Variants in KIF13B observed in about 807,000 individuals in gnomAD.
The protein encoded by KIF13B is kinesin-like protein KIF13B.
Under a neutral mutation model 222.0 loss-of-function variants are expected in KIF13B, and 127 were observed. That is an observed-to-expected ratio of 0.57 (90% CI 0.50 to 0.66). KIF13B has a LOEUF of 0.66. KIF13B is among the 30% of genes least tolerant of loss of function. The pLI, the probability that KIF13B is intolerant of heterozygous loss-of-function variation, is 0.00. For synonymous variants in KIF13B, 976 were observed against 919.0 expected (o/e 1.06, Z -1.12); for missense variants, 2,173 against 2,379.0 (o/e 0.91, Z 1.80).
intron 16 of KIF13B, among the ~76,000 whole-genome samples, 177 bp downstream of exon 16, chr8:29,148,400 G>GTAT (rs1563741199): frequency 2.7e-5 from 4 of 146,044 alleles, no homozygotes; most frequent in Non-Finnish European, 6.1e-5. Context: ...ACACTCTACC[G>GTAT]TTTTTTTTTT....
At chr8:29,145,956 T>G in intron 18 of KIF13B, 1 of 257,302 alleles carries the variant, frequency 3.9e-6, no homozygotes, top group Non-Finnish European at 7.4e-6. Context: ...ACACAACTAA[T>G]GAGCAGTTTT....
intron 32 of KIF13B, among the ~76,000 whole-genome samples, chr8:29,112,159 G>A (rs1361109369): frequency 6.6e-6 from 1 of 152,134 alleles, no homozygotes; most frequent in Non-Finnish European, 1.5e-5. Context: ...TTTTCCAAAA[G>A]CTGATCTCCG....
In KIF13B at chr8:29,167,584, T is replaced by TC; in HGVS notation, c.946dup (p.Asp316GlyfsTer6). 1 of 1,613,306 alleles carries TC rather than the reference T, an allele frequency of 6.2e-7. No homozygotes were observed. The highest frequency in any genetic ancestry group is 8.5e-7 in the Non-Finnish European group (1 of 1,179,318). On this transcript the variant is annotated frameshift_variant and splice_region_variant, in exon 11 of 40. Transcript: ENST00000524189. LOFTEE classifies it high-confidence loss of function. ...GGTCTTGCTGTTACCCCCGAGGCTGTCCTACAGGAGAAAACAGAAAGTTGA... is the reference window on the plus strand; with the variant it reads ...GGTCTTGCTGTTACCCCCGAGGCTGTCCCTACAGGAGAAAACAGAAAGTTGA...
chr8:29,226,039 G>A (rs1022699365), intron 2 of KIF13B, among the ~76,000 whole-genome samples: 1 of 152,140 alleles, frequency 6.6e-6, no homozygotes, highest in African/African-American at 2.4e-5. Flanking sequence ...TCAGATGACT[G>A]GAGTTAAATG....
chr8:29,109,135 G>T (rs1316195368), intron 34 of KIF13B, among the ~76,000 whole-genome samples: 1 of 152,202 alleles, frequency 6.6e-6, no homozygotes, highest in Non-Finnish European at 1.5e-5. Context: ...TAGGCCCGTG[G>T]CTAGTTTGGG....
intron 2 of KIF13B, among the ~76,000 whole-genome samples, chr8:29,211,634 G>A (rs1312293115): frequency 1.3e-5 from 2 of 152,202 alleles, no homozygotes; most frequent in Non-Finnish European, 1.5e-5. Context: ...GAGACTCCAA[G>A]CAGCCAGAAA....
At chr8:29,243,121 C>T (rs955159780) in intron 2 of KIF13B, among the ~76,000 whole-genome samples, 8 of 151,938 alleles carry the variant, frequency 5.3e-5, no homozygotes, top group African/African-American at 1.5e-4. Context: ...CAAAGGCAGG[C>T]GGATCACTTG....
intron 1 of KIF13B, among the ~76,000 whole-genome samples, chr8:29,251,111 T>G (rs971753450): frequency 6.6e-6 from 1 of 151,310 alleles, no homozygotes; most frequent in African/African-American, 2.4e-5. Context: ...AGATCACACC[T>G]CTGCACTCCA....
chr8:29,086,287 T>C (rs774373263), intron 37 of KIF13B, among the ~76,000 whole-genome samples: 3 of 152,208 alleles, frequency 2.0e-5, no homozygotes, highest in Non-Finnish European at 4.4e-5. Flanking sequence ...AGAGAAGTTT[T>C]AAGTCTCCAA....
intron 2 of KIF13B, among the ~76,000 whole-genome samples, chr8:29,240,031 A>G (rs1815695848): frequency 1.3e-5 from 2 of 150,996 alleles, no homozygotes; most frequent in African/African-American, 4.9e-5. Flanking sequence ...AAGAAACACA[A>G]AAGAGGAAAA....
intron 2 of KIF13B, among the ~76,000 whole-genome samples, chr8:29,199,394 CACATACTTCAGGTTGTGAAGTGA>C (rs1230272430): frequency 3.3e-5 from 5 of 151,996 alleles, no homozygotes; most frequent in Admixed American, 2.0e-4. Context: ...ACCCGTCTAG[CACATACTTCAGGTTGTGAAGTGA>C]ACATACTTCA....
chr8:29,094,702 A>G, intron 36 of KIF13B, among the ~76,000 whole-genome samples: 1 of 152,250 alleles, frequency 6.6e-6, no homozygotes, highest in East Asian at 1.9e-4. Context: ...AAAATAGACC[A>G]TGAGATGTCT....
intron 10 of KIF13B, among the ~76,000 whole-genome samples, chr8:29,173,981 T>TA (rs945010254): frequency 1.3e-5 from 2 of 151,630 alleles, no homozygotes; most frequent in Admixed American, 6.6e-5. Context: ...TGAAACGATT[T>TA]AAAAAAAAAT....
intron 32 of KIF13B, 143 bp downstream of exon 32, chr8:29,113,320 T>C (rs1809442955): frequency 1.9e-6 from 1 of 536,580 alleles, no homozygotes; most frequent in African/African-American, 1.9e-5. Flanking sequence ...TATGAATTGA[T>C]ATTAGAAAAT....
intron 21 of KIF13B, among the ~76,000 whole-genome samples, chr8:29,136,864 A>T (rs978344071): frequency 7.6e-6 from 1 of 132,190 alleles, no homozygotes; most frequent in African/African-American, 3.0e-5. Context: ...CAGTGGTTCG[A>T]TCTTGGCTCA....
intron 13 of KIF13B, among the ~76,000 whole-genome samples, chr8:29,159,839 CAG>C (rs1437879615): frequency 1.3e-5 from 2 of 152,330 alleles, no homozygotes; most frequent in African/African-American, 2.4e-5. Context: ...CAAAATGACA[CAG>C]AGTCACTGAC....
intron 35 of KIF13B, among the ~76,000 whole-genome samples, chr8:29,104,173 G>C (rs1563702965): frequency 6.6e-6 from 1 of 150,916 alleles, no homozygotes; most frequent in South Asian, 2.1e-4. Context: ...AGCCAACCCC[G>C]CCCCACACTG....
chr8:29,079,101 A>C (rs983768385), intron 37 of KIF13B, among the ~76,000 whole-genome samples: 2 of 152,180 alleles, frequency 1.3e-5, no homozygotes, highest in Admixed American at 6.5e-5. Context: ...TACAATCTCC[A>C]AGGGGACACA....
At chr8:29,250,715 G>A (rs75371896) in intron 1 of KIF13B, among the ~76,000 whole-genome samples, 1,925 of 152,190 alleles carry the variant, frequency 0.013, 47 homozygotes, top group African/African-American at 0.041. Flanking sequence ...ATATGTATAC[G>A]GGCAGAACAT....
Sources: gnomAD v4.1 joint callset for allele counts (sites outside exome capture counted in the v4.1 genomes callset) on GRCh38, gnomAD v4.1.1 for gene constraint, MANE v1.5 for transcripts, NCBI Gene and HGNC (gene_info 2026-07-23, HGNC 2026-07-21) for gene names.